ERCC6: variants seen among roughly 807,000 people sequenced by gnomAD.
ERCC6 encodes the protein DNA excision repair protein ERCC-6.
Under a neutral mutation model 158.7 loss-of-function variants are expected in ERCC6, and 116 were observed. The ratio of observed to expected loss-of-function variants is 0.73; its 90% CI spans 0.63 to 0.85. The LOEUF is 0.85. Ranked by LOEUF, ERCC6 falls within the 40% of genes least tolerant of loss-of-function variation. The pLI is 0.00. For missense variants in ERCC6, 1,698 were observed against 1,799.4 expected (o/e 0.94, Z 1.02); for synonymous variants, 678 against 659.3 (o/e 1.03, Z -0.43).
intron 7 of ERCC6, among the ~76,000 whole-genome samples, chr10:49,496,969 A>C (rs900705259): frequency 2.0e-5 from 3 of 152,236 alleles, no homozygotes; most frequent in Non-Finnish European, 2.9e-5. Flanking sequence ...AACTTAAATG[A>C]GGCCTACCCT....
intron 5 of ERCC6, among the ~76,000 whole-genome samples, chr10:49,512,671 T>C (rs992985526): frequency 1.3e-5 from 2 of 152,244 alleles, no homozygotes; most frequent in African/African-American, 4.8e-5. Flanking sequence ...TTTGGAATAT[T>C]TGCATATACA....
chr10:49,491,334 T>C (rs1851169801), intron 8 of ERCC6, among the ~76,000 whole-genome samples: 1 of 152,206 alleles, frequency 6.6e-6, no homozygotes, highest in Admixed American at 6.5e-5. Flanking sequence ...AGATACTTTA[T>C]AATGGAAAAG....
chr10:49,441,790 C>A, the ERCC6 span, among the ~76,000 whole-genome samples: 5 of 152,328 alleles, frequency 3.3e-5, no homozygotes, highest in South Asian at 1.0e-3. Context: ...GTAGTTACAC[C>A]GCGCTTTGTT....
At chr10:49,461,591 C>T in intron 18 of ERCC6, 35 bp from the exon 19 acceptor site, 2 of 1,578,980 alleles carry the variant, frequency 1.3e-6, no homozygotes, top group Non-Finnish European at 1.7e-6. Context: ...TGATATTTCA[C>T]TCTGTATGCA....
chr10:49,524,055 C>T lies in ERCC6; in HGVS notation c.1375G>A (p.Asp459Asn). The T allele has an allele frequency of 6.2e-7, 1 of 1,613,596 alleles. No homozygotes were observed. The highest frequency in any genetic ancestry group is 8.5e-7 in the Non-Finnish European group (1 of 1,180,004). Residue 459 changes from aspartate (D) to asparagine (N), a missense_variant, in exon 5 of 21, where the codon GAT becomes AAT. Coordinates refer to ENST00000355832, the MANE Select transcript of ERCC6 (RefSeq NM_000124.4). ...VGRYRDDGDEDYYKQRLRRWN... is the reference protein window; with the variant it reads ...VGRYRDDGDENYYKQRLRRWN... Reference sequence around the variant, plus strand: ...GACCTTAACCGCTGCTTATAATAATCTTCATCTCCATCATCTCGGTATCTT... The same window carrying T: ...GACCTTAACCGCTGCTTATAATAATTTTCATCTCCATCATCTCGGTATCTT...
intron 7 of ERCC6, among the ~76,000 whole-genome samples, chr10:49,499,027 T>C (rs1056184952): frequency 2.0e-5 from 3 of 152,152 alleles, no homozygotes; most frequent in African/African-American, 7.2e-5. Context: ...AGCATTTTAT[T>C]TGAAACAGAA....
Position 49,458,931 on chromosome 10 carries a change from A to C in ERCC6, c.4366T>G (p.Ser1456Ala). Residue 1456 changes from serine (S) to alanine (A), a missense_variant, in exon 21 of 21, where the codon TCC becomes GCC. By Grantham distance (99) the Ser-to-Ala change is moderately conservative. Transcript: ENST00000355832. ...CAAGACTGTGATGCAGATAACTTGG[A>C]TTCAAACTCCTGCAGTATCTCCCTG... is the stretch of plus-strand genomic sequence containing the variant. ...STREILQEFE[S>A]KLSASQSCVF... 2.5e-6 allele frequency: 4 copies of C among 1,614,176 alleles called. No homozygotes were observed. The highest frequency in any genetic ancestry group is 3.4e-6 in the Non-Finnish European group (4 of 1,180,024).
In ERCC6 at chr10:49,455,786, T is replaced by C. The variant is rs893963190; in HGVS notation, c.*3029A>G. On this transcript the variant is annotated 3_prime_UTR_variant, in exon 21 of 21. Transcript: ENST00000355832. The stretch of plus-strand genomic sequence containing the variant: ...GCCAATAAACATGGAAATGTTTGAT[T>C]TTGTACGTAATCAGGGAAATTCAAG... 3 of 152,234 alleles carry C rather than the reference T, an allele frequency of 2.0e-5. No individual in the cohort carries two copies. Among genetic ancestry groups the C allele is most frequent in the Non-Finnish European group, 4.4e-5 (3 of 68,042 alleles). The allele number at this position is 152,234 out of a possible 1,614,324, so 9.4% of individuals were successfully genotyped here.
At chr10:49,511,399 G>GT (rs952619617) in intron 5 of ERCC6, among the ~76,000 whole-genome samples, 52 of 150,698 alleles carry the variant, frequency 3.5e-4, no homozygotes, top group African/African-American at 1.1e-3. Context: ...CCCAAATAAA[G>GT]TAAGTGTGTT....
At chr10:49,506,937 A>G (rs1218688558) in intron 5 of ERCC6, among the ~76,000 whole-genome samples, 1 of 152,126 alleles carries the variant, frequency 6.6e-6, no homozygotes, top group African/African-American at 2.4e-5. Flanking sequence ...TAATACAGAG[A>G]AATGCTTTCA....
chr10:49,538,163 T>TTA (rs1228527516), intron 1 of ERCC6, among the ~76,000 whole-genome samples: 1 of 152,092 alleles, frequency 6.6e-6, no homozygotes, highest in Non-Finnish European at 1.5e-5. Context: ...GGGACACTAG[T>TTA]ATCTTCACCG....
chr10:49,456,153 A>G lies in ERCC6; in HGVS notation c.*2662T>C, dbSNP rs924324836. On this transcript the variant is annotated 3_prime_UTR_variant, in exon 21 of 21. Transcript: ENST00000355832. The stretch of plus-strand genomic sequence containing the variant: ...AATAGACTTCAAAAGACAGTAGCTT[A>G]AGCAAGTCAGTATTTTATTTTACTC... The G allele has an allele frequency of 6.6e-6, 1 of 152,246 alleles. No individual in the cohort carries two copies. Among genetic ancestry groups the G allele is most frequent in the Non-Finnish European group, 1.5e-5 (1 of 68,050 alleles). The allele number at this position is 152,246 out of a possible 1,614,324, so 9.4% of individuals were successfully genotyped here. A position where few individuals can be genotyped will look rare whatever the true frequency, so the allele number is the denominator to read the frequency against.
the ERCC6 span, among the ~76,000 whole-genome samples, chr10:49,447,806 T>C: frequency 5.3e-5 from 8 of 152,230 alleles, no homozygotes; most frequent in Admixed American, 1.3e-4. Flanking sequence ...CTGTTCTGTG[T>C]ATTTTATATA....
At chr10:49,533,888 C>A (rs1837530640) in intron 1 of ERCC6, among the ~76,000 whole-genome samples, 1 of 151,986 alleles carries the variant, frequency 6.6e-6, no homozygotes, top group Non-Finnish European at 1.5e-5. Flanking sequence ...AATCCCAACA[C>A]TTTGGGAGGC....
intron 20 of ERCC6, 37 bp from the exon 21 acceptor site, chr10:49,459,271 T>G (rs1850535340): frequency 6.2e-7 from 1 of 1,604,036 alleles, no homozygotes; most frequent in Admixed American, 1.7e-5. Context: ...TATATTTAAT[T>G]TCTAGTTTAT....
intron 5 of ERCC6, chr10:49,506,328 T>A: frequency 2.8e-6 from 1 of 363,572 alleles, no homozygotes; most frequent in South Asian, 3.1e-5. Context: ...TCGTAAGACA[T>A]GAAATTAGTC....
chr10:49,466,980 C>A (rs139652034), intron 18 of ERCC6, among the ~76,000 whole-genome samples: 2 of 152,216 alleles, frequency 1.3e-5, no homozygotes, highest in South Asian at 4.2e-4. Context: ...GGAGTTTCAC[C>A]ATGTTGTCCA....
chr10:49,519,421 ATAT>A (rs1292903266), intron 5 of ERCC6, among the ~76,000 whole-genome samples: 1 of 152,230 alleles, frequency 6.6e-6, no homozygotes, highest in Non-Finnish European at 1.5e-5. Context: ...TTTCATCTTA[ATAT>A]TGTTGTCATA....
intron 18 of ERCC6, among the ~76,000 whole-genome samples, chr10:49,464,784 T>G (rs1850644902): frequency 2.6e-5 from 4 of 152,212 alleles, no homozygotes; most frequent in Admixed American, 2.6e-4. Context: ...GTGTTGAGCC[T>G]GAGGGTGCAC....
Sources: allele counts gnomAD v4.1 joint callset (sites outside exome capture counted in the v4.1 genomes callset), GRCh38; gene constraint gnomAD v4.1.1; transcripts MANE v1.5; gene names NCBI Gene and HGNC (gene_info 2026-07-23, HGNC 2026-07-21).